The following RC3H1 variants were observed in gnomAD, a reference collection of about 807,000 sequenced individuals.
RC3H1 encodes the protein ring finger and CCCH-type domains 1, also known as roquin-1.
RC3H1 carries 50 observed loss-of-function variants against 138.2 expected under a neutral mutation model. The ratio of observed to expected loss-of-function variants is 0.36; its 90% confidence interval spans 0.29 to 0.46. The LOEUF (loss-of-function observed/expected upper bound fraction) is 0.46. Among genes scored for constraint, RC3H1 ranks in the 20% least tolerant of loss-of-function variants. RC3H1 has a pLI of 1.00. For missense variants in RC3H1, 1,031 were observed against 1,388.1 expected (o/e 0.74, Z 4.09); for synonymous variants, 462 against 489.1 (o/e 0.94, Z 0.73).
At chr1:174,004,303 T>A (rs1213711841) in intron 1 of RC3H1, among the ~76,000 whole-genome samples, 1 of 151,616 alleles carries the variant, frequency 6.6e-6, no homozygotes, top group East Asian at 1.9e-4. Flanking sequence ...TTAGTAGAAA[T>A]GAGATCTCAC....
At chr1:173,962,697 T>C (rs1659934933) in intron 11 of RC3H1, among the ~76,000 whole-genome samples, 1 of 152,220 alleles carries the variant, frequency 6.6e-6, no homozygotes, top group Non-Finnish European at 1.5e-5. Flanking sequence ...TGGAGCACTG[T>C]TTGCTTCTTT....
intron 6 of RC3H1, among the ~76,000 whole-genome samples, chr1:173,980,370 C>G (rs1660764692): frequency 6.6e-6 from 1 of 151,132 alleles, no homozygotes; most frequent in African/African-American, 2.4e-5. Context: ...CTATGTGATG[C>G]TGGAAAAACA....
intron 9 of RC3H1, chr1:173,969,469 A>G (rs1409483042): frequency 6.6e-6 from 1 of 151,760 alleles, no homozygotes; most frequent in Non-Finnish European, 1.5e-5. Flanking sequence ...ACTGAATTAT[A>G]TTTAAATTTT....
chr1:173,972,525 CCTT>C lies in RC3H1; in HGVS notation c.1202_1204del (p.Lys401_Gly402delinsArg), dbSNP rs1300917203. On this transcript the variant is annotated inframe_deletion, in exon 8 of 20. Coordinates refer to ENST00000367696, the MANE Select transcript of RC3H1 (RefSeq NM_172071.4). ...CTTCCTTACCTGCTGCTGATCTGCT[CCTT>C]TTTTGCTGTGGTTCTGGATATAATC... is the stretch of plus-strand genomic sequence containing the variant. 1 of 1,613,392 alleles carries C rather than the reference CCTT, an allele frequency of 6.2e-7. No individual in the cohort carries two copies. The highest frequency in any genetic ancestry group is 8.5e-7 in the Non-Finnish European group (1 of 1,179,354).
At chr1:173,990,366 A>C (rs1661222769) in intron 2 of RC3H1, among the ~76,000 whole-genome samples, 1 of 151,920 alleles carries the variant, frequency 6.6e-6, no homozygotes, top group South Asian at 2.1e-4. Flanking sequence ...GGCATGAGCC[A>C]CTGCACCCGG....
intron 7 of RC3H1, among the ~76,000 whole-genome samples, chr1:173,973,740 C>T (rs549231851): frequency 2.0e-5 from 3 of 151,820 alleles, no homozygotes; most frequent in Non-Finnish European, 4.4e-5. Context: ...GCTCAGACAC[C>T]CTGAAAGAAT....
intron 14 of RC3H1, among the ~76,000 whole-genome samples, chr1:173,950,721 T>G (rs1202163511): frequency 6.6e-6 from 1 of 152,038 alleles, no homozygotes; most frequent in Non-Finnish European, 1.5e-5. Context: ...ATTTTATTTC[T>G]TTAAAAAATA....
chr1:173,976,607 G>C (rs1660598307), intron 7 of RC3H1, among the ~76,000 whole-genome samples: 1 of 152,312 alleles, frequency 6.6e-6, no homozygotes, highest in African/African-American at 2.4e-5. Context: ...TTGAGTTCAA[G>C]AGTGTGCCAA....
At chr1:173,980,687 T>C (rs1660776984) in intron 6 of RC3H1, 122 bp downstream of exon 6, 1 of 585,624 alleles carries the variant, frequency 1.7e-6, no homozygotes, top group Non-Finnish European at 2.9e-6. Flanking sequence ...GGTTATGACA[T>C]GACACTGGCT....
intron 19 of RC3H1, among the ~76,000 whole-genome samples, chr1:173,939,607 C>T (rs1379920422): frequency 7.0e-6 from 1 of 142,844 alleles, no homozygotes; most frequent in South Asian, 2.2e-4. Context: ...GAGGCCGAGG[C>T]GGGTGGATCA....
chr1:173,942,176 A>T (rs1239781247), intron 18 of RC3H1, among the ~76,000 whole-genome samples: 3 of 151,168 alleles, frequency 2.0e-5, no homozygotes, highest in African/African-American at 7.3e-5. Flanking sequence ...CAGGAGGCAG[A>T]GGTTGCAGCG....
At chr1:173,978,030 G>A (rs974293656) in intron 7 of RC3H1, among the ~76,000 whole-genome samples, 1 of 152,050 alleles carries the variant, frequency 6.6e-6, no homozygotes, top group Non-Finnish European at 1.5e-5. Flanking sequence ...ATATTTTCAG[G>A]TTACGGAGAA....
chr1:173,975,959 A>T (rs1259641615), intron 7 of RC3H1, among the ~76,000 whole-genome samples: 2 of 151,206 alleles, frequency 1.3e-5, no homozygotes, highest in East Asian at 3.9e-4. Context: ...GAGTTACATA[A>T]ATTATATTTG....
intron 2 of RC3H1, 30 bp downstream of exon 2, chr1:173,992,721 GAGAA>G: frequency 4.1e-6 from 6 of 1,471,466 alleles, no homozygotes; most frequent in Non-Finnish European, 4.7e-6. Context: ...GAGAGAGAGG[GAGAA>G]ATTTAAAAGT....
chr1:173,954,896 T>A (rs1282038853), intron 13 of RC3H1, among the ~76,000 whole-genome samples: 1 of 152,042 alleles, frequency 6.6e-6, no homozygotes, highest in African/African-American at 2.4e-5. Flanking sequence ...AAGAAAGGAA[T>A]ATCAACAAAA....
intron 1 of RC3H1, among the ~76,000 whole-genome samples, chr1:174,015,393 C>T (rs1194459360): frequency 2.7e-5 from 4 of 150,098 alleles, no homozygotes; most frequent in Non-Finnish European, 3.0e-5. Flanking sequence ...AGACAAGTCT[C>T]GCTCTGTCGC....
chr1:174,003,563 T>A (rs1293080392), intron 1 of RC3H1, among the ~76,000 whole-genome samples: 1 of 152,172 alleles, frequency 6.6e-6, no homozygotes, highest in African/African-American at 2.4e-5. Context: ...CCTGGATCAC[T>A]GTGACAATTT....
chr1:174,012,039 C>T (rs1257279424), intron 1 of RC3H1, among the ~76,000 whole-genome samples: 3 of 151,986 alleles, frequency 2.0e-5, no homozygotes, highest in Middle Eastern at 6.8e-3. Context: ...GGCAAGACGC[C>T]GTCTCTACAA....
intron 19 of RC3H1, among the ~76,000 whole-genome samples, chr1:173,940,092 T>C (rs1247587928): frequency 2.0e-5 from 3 of 152,150 alleles, no homozygotes; most frequent in Non-Finnish European, 4.4e-5. Context: ...TACTGGATGA[T>C]ATAGGATAGA....
Sources: allele counts gnomAD v4.1 joint callset (sites outside exome capture counted in the v4.1 genomes callset), GRCh38; gene constraint gnomAD v4.1.1; transcripts MANE v1.5; gene names NCBI Gene and HGNC (gene_info 2026-07-23, HGNC 2026-07-21).